TAB2: variants seen among roughly 807,000 people sequenced by gnomAD.
TAB2 encodes TGF-beta activated kinase 1 (MAP3K7) binding protein 2, also known as TGF-beta-activated kinase 1 and MAP3K7-binding protein 2.
TAB2 carries 3 observed loss-of-function variants against 65.0 expected under a neutral mutation model. That is an observed-to-expected ratio of 0.05 (90% CI 0.02 to 0.12). The LOEUF is 0.12. Ranked by LOEUF, TAB2 falls within the 10% of genes least tolerant of loss-of-function variation. The pLI is 1.00. For synonymous variants in TAB2, 298 were observed against 285.1 expected (o/e 1.05, Z -0.46); for missense variants, 623 against 840.3 (o/e 0.74, Z 3.20).
At chr6:149,280,442 A>G (rs1369257918) in intron 1 of TAB2, among the ~76,000 whole-genome samples, 2 of 152,154 alleles carry the variant, frequency 1.3e-5, no homozygotes, top group Non-Finnish European at 2.9e-5. Flanking sequence ...TTTCCTCCGC[A>G]TGGTGCTTAA....
rs1038923803 is a variant in TAB2, at chr6:149,369,941, T to G, written c.-57T>G. 6.9e-7 allele frequency: 1 copy of G among 1,457,492 alleles called. No individual in the cohort carries two copies. Among genetic ancestry groups the G allele is most frequent in the Admixed American group, 1.7e-5 (1 of 59,768 alleles). The allele number at this position is 1,457,492 out of a possible 1,614,324, so 90.3% of individuals were successfully genotyped here. On this transcript the variant is annotated 5_prime_UTR_variant, in exon 2 of 7. Coordinates refer to ENST00000637181, the MANE Select transcript of TAB2 (RefSeq NM_001292034.3). The stretch of plus-strand genomic sequence containing the variant: ...TTGGACAGAAGAGATGAGTACTATT[T>G]CCACTAAGGCCTAGAATTGCCTACT...
intron 1 of TAB2, among the ~76,000 whole-genome samples, chr6:149,296,030 A>G (rs1032434591): frequency 1.2e-4 from 18 of 152,226 alleles, no homozygotes; most frequent in African/African-American, 3.9e-4. Flanking sequence ...TCGGCCTCCC[A>G]AAGTGCTGGA....
At chr6:149,233,482 C>G (rs191612237) in intron 1 of TAB2, among the ~76,000 whole-genome samples, 1 of 152,204 alleles carries the variant, frequency 6.6e-6, no homozygotes, top group African/African-American at 2.4e-5. Flanking sequence ...ATGGTTGAGC[C>G]ATTGGTTTGT....
chr6:149,268,090 G>A (rs1778296297), intron 1 of TAB2, among the ~76,000 whole-genome samples: 2 of 152,198 alleles, frequency 1.3e-5, no homozygotes, highest in Non-Finnish European at 2.9e-5. Flanking sequence ...TTGGCTTTCA[G>A]TACCAGAAAA....
In TAB2 at chr6:149,260,183, C is replaced by T. The variant is rs541266669; in HGVS notation, c.-121+41407C>T. ...TTTCCATGTAAAGGGAGAGGTAAAC[C>T]GGCTCAGGCACCACCTCATCAGGAC... On this transcript the variant is annotated intron_variant, in intron 1 of 1. Transcript: ENST00000606202. Among the ~76,000 whole-genome samples the T allele has an allele frequency of 1.8e-4, 27 of 152,262 alleles. No individual in the cohort carries two copies. The South Asian group carries it at 3.1e-3, about 18-fold the overall frequency.
chr6:149,318,188 G>T (rs549774161), intron 1 of TAB2, among the ~76,000 whole-genome samples, 173 bp downstream of exon 1: 1 of 152,058 alleles, frequency 6.6e-6, no homozygotes, highest in East Asian at 1.9e-4. Flanking sequence ...CCCCAGTGGC[G>T]TGGCGGAGAG....
upstream of TAB2, among the ~76,000 whole-genome samples, chr6:149,315,377 GATGTGTGT>G (rs1779231406): frequency 1.3e-5 from 2 of 152,208 alleles, no homozygotes; most frequent in East Asian, 3.8e-4. Context: ...GTGTGTAACA[GATGTGTGT>G]ATGTGTGTAT....
At chr6:149,314,896 A>C (rs72999863), upstream of TAB2, among the ~76,000 whole-genome samples, 2,464 of 150,072 alleles carry the variant, frequency 0.016, 39 homozygotes, top group Non-Finnish European at 0.024. Flanking sequence ...TAGTGACTAC[A>C]CAGAGCACCT....
chr6:149,257,027 C>A (rs902173830), intron 1 of TAB2, among the ~76,000 whole-genome samples: 2 of 152,142 alleles, frequency 1.3e-5, no homozygotes, highest in African/African-American at 2.4e-5. Flanking sequence ...AAGAATAAAG[C>A]TAGAAACCAC....
At chr6:149,400,313 C>T in intron 6 of TAB2, 3 of 1,496,392 alleles carry the variant, frequency 2.0e-6, no homozygotes, top group Non-Finnish European at 2.7e-6. Flanking sequence ...GCTGCTCTTC[C>T]TGCTGCTCGT....
intron 1 of TAB2, among the ~76,000 whole-genome samples, chr6:149,239,010 G>A (rs571483662): frequency 1.3e-5 from 2 of 152,260 alleles, no homozygotes; most frequent in East Asian, 1.9e-4. Flanking sequence ...AGAAGACAGC[G>A]GCAGTGGAAA....
Position 149,362,646 on chromosome 6 carries a change from T to A in TAB2, c.-89-7263T>A, listed in dbSNP as rs570024262. On this transcript the variant is annotated intron_variant, in intron 1 of 6. Coordinates refer to ENST00000637181, the MANE Select transcript of TAB2 (RefSeq NM_001292034.3). ...AAATTTGTCTGGACTTTGGAACAAT[T>A]TAAATTACACAAAAATTAACCTTTT... is the stretch of plus-strand genomic sequence containing the variant. Among the ~76,000 whole-genome samples, 22 of 110,416 alleles carry A rather than the reference T, an allele frequency of 2.0e-4. No homozygotes were observed. The East Asian group carries it at 4.4e-3, about 22-fold the overall frequency. 72.4% of individuals were successfully genotyped at this position (110,416 alleles called of 152,430 possible).
intron 3 of TAB2, among the ~76,000 whole-genome samples, chr6:149,393,465 A>T (rs891673604): frequency 2.6e-5 from 4 of 152,196 alleles, no homozygotes; most frequent in African/African-American, 9.6e-5. Context: ...TTTACTCTTT[A>T]ACCTCAAAAC....
chr6:149,369,413 T>C (rs926907298), intron 1 of TAB2, among the ~76,000 whole-genome samples: 4 of 152,298 alleles, frequency 2.6e-5, no homozygotes, highest in African/African-American at 9.6e-5. Flanking sequence ...TAAGAATGAA[T>C]TGATTGTGCA....
At chr6:149,232,442 G>T (rs1199230627) in intron 1 of TAB2, among the ~76,000 whole-genome samples, 1 of 152,168 alleles carries the variant, frequency 6.6e-6, no homozygotes, top group Non-Finnish European at 1.5e-5. Context: ...TGCCAGGCTG[G>T]TCTAGGATTC....
chr6:149,241,729 A>G (rs1041939793), intron 1 of TAB2, among the ~76,000 whole-genome samples: 1 of 152,218 alleles, frequency 6.6e-6, no homozygotes, highest in Non-Finnish European at 1.5e-5. Flanking sequence ...TTACAGATGA[A>G]ATTGTGATTT....
rs758431462 is a variant in TAB2 at position 149,398,013 on chromosome 6, G to A, written c.1809G>A (p.Gln603=). 3.1e-6 allele frequency: 5 copies of A among 1,613,884 alleles called. No individual in the cohort carries two copies. The highest frequency in any genetic ancestry group is 2.2e-5 in the South Asian group (2 of 91,072). The change falls in exon 5 of 7, where the codon CAG becomes CAA. Residue 603 remains glutamine (Q), a synonymous_variant. Transcript: ENST00000637181. Reference sequence around the variant, plus strand: ...TGAGAAGTTGTAATAGACAACTCCAGATTGACATTGACTGCTTAACCAAAG... The same window carrying A: ...TGAGAAGTTGTAATAGACAACTCCAAATTGACATTGACTGCTTAACCAAAG... The part of the protein sequence containing the change: ...QQLRSCNRQL[Q]IDIDCLTKEI...
intron 1 of TAB2, among the ~76,000 whole-genome samples, chr6:149,249,801 C>A: frequency 6.6e-6 from 1 of 152,212 alleles, no homozygotes; most frequent in Non-Finnish European, 1.5e-5. Context: ...TGGCTGCAGG[C>A]CCGCACTCCA....
At chr6:149,238,273 T>A (rs1583038465) in intron 1 of TAB2, among the ~76,000 whole-genome samples, 1 of 152,180 alleles carries the variant, frequency 6.6e-6, no homozygotes, top group Admixed American at 6.5e-5. Flanking sequence ...CCCTGGCATC[T>A]TCAAAAGTCT....
Sources: gnomAD v4.1 joint callset for allele counts (sites outside exome capture counted in the v4.1 genomes callset) on GRCh38, gnomAD v4.1.1 for gene constraint, MANE v1.5 for transcripts, NCBI Gene and HGNC (gene_info 2026-07-23, HGNC 2026-07-21) for gene names.